The following SSU72 variants were observed in gnomAD, a reference collection of about 807,000 sequenced individuals.
SSU72 encodes RNA polymerase II subunit A C-terminal domain phosphatase SSU72.
Under a neutral mutation model 22.7 loss-of-function variants are expected in SSU72, and 12 were observed. The ratio of observed to expected loss-of-function variants is 0.53; its 90% confidence interval spans 0.34 to 0.86. SSU72 has a LOEUF of 0.86. Among genes scored for constraint, SSU72 ranks in the 40% least tolerant of loss-of-function variants. The pLI is 0.02. For missense variants in SSU72, 151 were observed against 249.8 expected, an observed-to-expected ratio of 0.60 and a Z score of 2.67; for synonymous variants, 116 against 98.3, an observed-to-expected ratio of 1.18 and a Z score of -1.06.
chr1:1,555,656 C>T (rs1385148960), intron 2 of SSU72, among the ~76,000 whole-genome samples: 1 of 152,230 alleles, frequency 6.6e-6, no homozygotes, highest in Non-Finnish European at 1.5e-5. Context: ...CCACTCACCA[C>T]ACTATGCCAC....
In SSU72 at chr1:1,554,269, C is replaced by A. The variant is rs933661034; in HGVS notation, c.225-9267G>T. Among the ~76,000 whole-genome samples the A allele has an allele frequency of 2.6e-5, 4 of 151,298 alleles. No individual in the cohort carries two copies. Among genetic ancestry groups the A allele is most frequent in the Admixed American group, 6.6e-5 (1 of 15,172 alleles). ...GGCGGACCCGGACCACTCGGGGGCCCCCACGAAGCTGAGCACGAGACGGAT... is the reference window on the plus strand; with the variant it reads ...GGCGGACCCGGACCACTCGGGGGCCACCACGAAGCTGAGCACGAGACGGAT... On this transcript the variant is annotated intron_variant, in intron 2 of 4. Coordinates refer to ENST00000291386, the MANE Select transcript of SSU72 (RefSeq NM_014188.3). This position sits in a 1 kb window ranked among gnomAD's most constrained non-coding sequence, Gnocchi z 4.1.
rs940895063 is a variant in SSU72, at chr1:1,573,290, C to T, written c.80+1188G>A. Among the ~76,000 whole-genome samples the T allele has an allele frequency of 7.9e-5, 12 of 150,986 alleles. No individual in the cohort carries two copies. In the South Asian group the frequency reaches 1.1e-3, roughly 13 times the overall value. On this transcript the variant is annotated intron_variant, in intron 1 of 4. Transcript: ENST00000291386. ...CAAAAAAAAAAAAAAATTAGCCGTGCCTGGTGGCCGGTGCCTGTAGTCCCA... is the reference window on the plus strand; with the variant it reads ...CAAAAAAAAAAAAAAATTAGCCGTGTCTGGTGGCCGGTGCCTGTAGTCCCA...
intron 1 of SSU72, among the ~76,000 whole-genome samples, chr1:1,567,596 G>A (rs980535175): frequency 5.3e-5 from 8 of 152,160 alleles, no homozygotes; most frequent in Non-Finnish European, 1.0e-4. Flanking sequence ...GGGAGCACAC[G>A]TGAGAAACAA....
At chr1:1,551,355 A>G (rs997738949) in intron 2 of SSU72, among the ~76,000 whole-genome samples, 12 of 152,254 alleles carry the variant, frequency 7.9e-5, no homozygotes, top group African/African-American at 2.9e-4. Context: ...GGAGGACCCC[A>G]GAGGCTGCAA....
chr1:1,572,888 G>GGC (rs1553133025), intron 1 of SSU72, among the ~76,000 whole-genome samples: 1 of 142,854 alleles, frequency 7.0e-6, no homozygotes, highest in Non-Finnish European at 1.6e-5. Context: ...GGGGGGGGGG[G>GGC]GGTGAGCCTT....
rs2100711755 is a variant in SSU72, at chr1:1,554,658, G to A, written c.225-9656C>T. On this transcript the variant is annotated intron_variant, in intron 2 of 4. Coordinates refer to ENST00000291386, the MANE Select transcript of SSU72 (RefSeq NM_014188.3). The surrounding 1 kb of genome is among the most constrained non-coding windows in gnomAD (Gnocchi z 4.1). Reference sequence around the variant, plus strand: ...CACACTACCCTGCTATGAGTCACCAGGGACTTGAAAGGGAACCCACAGGCA... The same window carrying A: ...CACACTACCCTGCTATGAGTCACCAAGGACTTGAAAGGGAACCCACAGGCA... 6.6e-6 allele frequency among the ~76,000 whole-genome samples: 1 copy of A among 152,246 alleles called. No individual in the cohort carries two copies. Among genetic ancestry groups the A allele is most frequent in the East Asian group, 1.9e-4 (1 of 5,172 alleles).
intron 1 of SSU72, among the ~76,000 whole-genome samples, chr1:1,572,880 G>GGGGC (rs1642749246): frequency 8.0e-6 from 1 of 124,874 alleles, no homozygotes. Context: ...TTTGTCTTGG[G>GGGGC]GGGGGGGGGG....
chr1:1,565,132 G>A (rs953422878), intron 1 of SSU72, among the ~76,000 whole-genome samples: 2 of 151,886 alleles, frequency 1.3e-5, no homozygotes, highest in Non-Finnish European at 2.9e-5. Flanking sequence ...GAAGGCAGGC[G>A]GATCATGAAG....
intron 2 of SSU72, among the ~76,000 whole-genome samples, chr1:1,548,695 C>A (rs192794907): frequency 6.6e-6 from 1 of 152,210 alleles, no homozygotes; most frequent in African/African-American, 2.4e-5. Flanking sequence ...ACATGGACCG[C>A]GGTGAGGAAG....
At chr1:1,562,801 G>C (rs1301830000) in intron 2 of SSU72, 1 of 152,318 alleles carries the variant, frequency 6.6e-6, no homozygotes, top group African/African-American at 2.4e-5. Context: ...GGGTGGACAA[G>C]GACATGGCCT....
At chr1:1,548,135 GGGCCT>G (rs765608504) in intron 2 of SSU72, among the ~76,000 whole-genome samples, 83 of 152,336 alleles carry the variant, frequency 5.4e-4, no homozygotes, top group Non-Finnish European at 7.9e-4. Flanking sequence ...TGGACTCCCA[GGGCCT>G]GGACATCCGG....
Position 1,574,611 on chromosome 1 carries a change from G to C in SSU72, c.-54C>G, listed in dbSNP as rs1642787400. 6.6e-7 allele frequency: 1 copy of C among 1,507,688 alleles called. No individual in the cohort carries two copies. Among genetic ancestry groups the C allele is most frequent in the African/African-American group, 1.4e-5 (1 of 69,156 alleles). The allele number at this position is 1,507,688 out of a possible 1,614,324, so 93.4% of individuals were successfully genotyped here. ...CCGCTTGGGTTCCCACCCTACCGCGGCGCTTCCGCGCGAACAAAATGGCGG... is the reference window on the plus strand; with the variant it reads ...CCGCTTGGGTTCCCACCCTACCGCGCCGCTTCCGCGCGAACAAAATGGCGG... On this transcript the variant is annotated 5_prime_UTR_variant, in exon 1 of 5. Transcript: ENST00000291386.
At position 1,574,430 on chromosome 1, in the gene SSU72, G is replaced by T. The variant is rs200456039; in HGVS notation, c.80+48C>A. On this transcript the variant is annotated intron_variant, in intron 1 of 4. Coordinates refer to ENST00000291386, the MANE Select transcript of SSU72 (RefSeq NM_014188.3). ...CAGGGGGAACCGGGGAGGAGGGAGGGCCGGTCGCCGGAGCAGAGCGCGCGG... is the reference window on the plus strand; with the variant it reads ...CAGGGGGAACCGGGGAGGAGGGAGGTCCGGTCGCCGGAGCAGAGCGCGCGG... 4 of 1,544,724 alleles carry T rather than the reference G, an allele frequency of 2.6e-6. No individual in the cohort carries two copies. The East Asian group carries it at 1.0e-4, about 40-fold the overall frequency.
At chr1:1,555,352 G>A (rs113172183) in intron 2 of SSU72, among the ~76,000 whole-genome samples, 23 of 152,364 alleles carry the variant, frequency 1.5e-4, no homozygotes, top group African/African-American at 4.3e-4. Context: ...TCGCTCCAGC[G>A]AGGACAGAGC....
chr1:1,569,120 G>A (rs1331146044), intron 1 of SSU72, among the ~76,000 whole-genome samples: 2 of 151,792 alleles, frequency 1.3e-5, no homozygotes, highest in Non-Finnish European at 2.9e-5. Flanking sequence ...GCTGCAGTGA[G>A]CCGAGATCTT....
At chr1:1,553,853 G>A (rs1642484403) in intron 2 of SSU72, among the ~76,000 whole-genome samples, 1 of 151,542 alleles carries the variant, frequency 6.6e-6, no homozygotes, top group Non-Finnish European at 1.5e-5. Flanking sequence ...GCATCTGAAG[G>A]ATGTCACCAG....
intron 2 of SSU72, among the ~76,000 whole-genome samples, chr1:1,552,631 T>G (rs572252814): frequency 4.2e-4 from 64 of 152,274 alleles, no homozygotes; most frequent in African/African-American, 1.5e-3. Flanking sequence ...CCTGAACACT[T>G]TCAGTCAGCC....
intron 2 of SSU72, among the ~76,000 whole-genome samples, chr1:1,557,262 A>G (rs1642532748): frequency 6.6e-6 from 1 of 151,958 alleles, no homozygotes; most frequent in Admixed American, 6.6e-5. Context: ...AAAATACAAA[A>G]ATTAGCCGGG....
chr1:1,547,227 G>T (rs1019563670), intron 2 of SSU72, among the ~76,000 whole-genome samples: 1 of 152,128 alleles, frequency 6.6e-6, no homozygotes, highest in Non-Finnish European at 1.5e-5. Context: ...GGGTGAGGCC[G>T]TGGGGGCTCC....
Sources: allele counts gnomAD v4.1 joint callset (sites outside exome capture counted in the v4.1 genomes callset), GRCh38; gene constraint gnomAD v4.1.1; non-coding constraint Gnocchi (gnomAD v3.1); transcripts MANE v1.5; gene names NCBI Gene and HGNC (gene_info 2026-07-23, HGNC 2026-07-21).